Variants in ITGAV observed in about 807,000 individuals in gnomAD.
The protein encoded by ITGAV is integrin subunit alpha V.
ITGAV carries 76 observed loss-of-function variants against 143.8 expected under a neutral mutation model. The ratio of observed to expected loss-of-function variants is 0.53; its 90% CI spans 0.44 to 0.64. The LOEUF is 0.64. Among genes scored for constraint, ITGAV ranks in the 30% least tolerant of loss-of-function variants. The pLI is 0.00. For synonymous variants in ITGAV, 453 were observed against 446.7 expected (o/e 1.01, Z -0.18); for missense variants, 1,193 against 1,274.7 (o/e 0.94, Z 0.98).
chr2:186,627,825 G>A (rs1304822683), intron 4 of ITGAV, among the ~76,000 whole-genome samples: 1 of 152,072 alleles, frequency 6.6e-6, no homozygotes, highest in Non-Finnish European at 1.5e-5. Context: ...TCAAATCTTA[G>A]GAAAAGCTTA....
chr2:186,630,738 G>A, intron 4 of ITGAV, 59 bp from the exon 5 acceptor site: 4 of 915,946 alleles, frequency 4.4e-6, no homozygotes, highest in South Asian at 1.5e-5. Flanking sequence ...ATTTTCTCAT[G>A]TTTTGTTTTG....
At chr2:186,599,558 A>G (rs1472292467) in intron 1 of ITGAV, among the ~76,000 whole-genome samples, 1 of 152,194 alleles carries the variant, frequency 6.6e-6, no homozygotes, top group African/African-American at 2.4e-5. Flanking sequence ...TAGCACTTGT[A>G]ATCACAGCTC....
In ITGAV at chr2:186,621,868, C is replaced by G. The variant is rs370284613; in HGVS notation, c.317-471C>G. 3.3e-5 allele frequency among the ~76,000 whole-genome samples: 5 copies of G among 152,240 alleles called. No homozygotes were observed. In the East Asian group the frequency reaches 7.7e-4, roughly 23 times the overall value. ...GAATTCTTTTTTCTACCAACCAAAT[C>G]AAGTTTCCTGGATTCTAATTCTTGC... On this transcript the variant is annotated intron_variant, in intron 2 of 29. Transcript: ENST00000261023.
intron 1 of ITGAV, among the ~76,000 whole-genome samples, chr2:186,595,385 A>T (rs2105645990): frequency 6.6e-6 from 1 of 152,280 alleles, no homozygotes; most frequent in Non-Finnish European, 1.5e-5. Context: ...CCCTTCAAGT[A>T]CAGTTTGGAT....
intron 19 of ITGAV, among the ~76,000 whole-genome samples, chr2:186,664,062 A>G (rs549860831): frequency 8.5e-5 from 13 of 152,372 alleles, no homozygotes; most frequent in African/African-American, 3.1e-4. Flanking sequence ...TTTGGGTAAT[A>G]TCACAAAATA....
At chr2:186,665,367 T>C (rs1313408506) in intron 21 of ITGAV, 149 bp downstream of exon 21, 11 of 614,694 alleles carry the variant, frequency 1.8e-5, no homozygotes. Flanking sequence ...TAGCAGAGTT[T>C]TGCTTAGTTT....
At chr2:186,625,661 G>GTAT in intron 4 of ITGAV, 74 bp downstream of exon 4, 1 of 526,844 alleles carries the variant, frequency 1.9e-6, no homozygotes, top group Non-Finnish European at 3.4e-6. Flanking sequence ...ATGTGTGTGT[G>GTAT]GGTGTGTGTG....
intron 2 of ITGAV, among the ~76,000 whole-genome samples, chr2:186,620,073 C>T (rs917188378): frequency 5.9e-5 from 9 of 152,182 alleles, no homozygotes; most frequent in African/African-American, 2.2e-4. Flanking sequence ...GTGAACAACT[C>T]ACAATTCTCT....
chr2:186,672,643 G>A (rs959400529), intron 26 of ITGAV, among the ~76,000 whole-genome samples: 2 of 152,208 alleles, frequency 1.3e-5, no homozygotes, highest in Non-Finnish European at 2.9e-5. Context: ...GTGTGAAGAA[G>A]TAACTCATTG....
intron 13 of ITGAV, among the ~76,000 whole-genome samples, chr2:186,647,095 C>T (rs1236444238): frequency 6.6e-6 from 1 of 152,126 alleles, no homozygotes; most frequent in East Asian, 1.9e-4. Context: ...CTCTGAGTTT[C>T]TCCTGTAGTC....
intron 4 of ITGAV, among the ~76,000 whole-genome samples, chr2:186,629,405 T>C (rs544036113): frequency 6.6e-6 from 1 of 152,046 alleles, no homozygotes; most frequent in East Asian, 1.9e-4. Context: ...CAGATGCAAC[T>C]TGAATAAAGG....
At chr2:186,636,846 A>G (rs554721108) in intron 7 of ITGAV, among the ~76,000 whole-genome samples, 14 of 152,332 alleles carry the variant, frequency 9.2e-5, no homozygotes, top group Admixed American at 7.8e-4. Context: ...TTAATAAGAC[A>G]ATTGTAGTTT....
rs1689288628 is a variant in ITGAV, at chr2:186,679,128, C to A, written c.*1836C>A. On this transcript the variant is annotated 3_prime_UTR_variant, in exon 30 of 30. Coordinates refer to ENST00000261023, the MANE Select transcript of ITGAV (RefSeq NM_002210.5). ...ATTTTTTAAGAAAAATATTTTTATC[C>A]TAGGGCCAAGTGTTGCCTGCCACCA... 1 of 153,290 alleles carries A rather than the reference C, an allele frequency of 6.5e-6. No individual in the cohort carries two copies. The highest frequency in any genetic ancestry group is 1.5e-5 in the Non-Finnish European group (1 of 68,958). The allele number at this position is 153,290 out of a possible 1,614,324, so 9.5% of individuals were successfully genotyped here.
chr2:186,632,854 A>G (rs1381289094), intron 5 of ITGAV, among the ~76,000 whole-genome samples: 1 of 152,144 alleles, frequency 6.6e-6, no homozygotes, highest in Non-Finnish European at 1.5e-5. Flanking sequence ...AAAAGTGTGT[A>G]TTTTCATGTA....
At chr2:186,671,435 G>T (rs1689060254) in intron 26 of ITGAV, among the ~76,000 whole-genome samples, 1 of 151,958 alleles carries the variant, frequency 6.6e-6, no homozygotes, top group African/African-American at 2.4e-5. Flanking sequence ...CATCTGCCTG[G>T]AATTCTTTGT....
In ITGAV at chr2:186,618,913, A is replaced by C. The variant is rs1324956165; in HGVS notation, c.317-3426A>C. On this transcript the variant is annotated intron_variant, in intron 2 of 29. Transcript: ENST00000261023. ...AATCCCACTACTAGGCATTTATCCA[A>C]AGGAAAGGAAATCAGTATATCAAAG... Among the ~76,000 whole-genome samples, 6 of 152,194 alleles carry C rather than the reference A, an allele frequency of 3.9e-5. No homozygotes were observed. In the South Asian group the frequency reaches 1.0e-3, roughly 26 times the overall value.
intron 4 of ITGAV, among the ~76,000 whole-genome samples, chr2:186,626,357 C>T (rs958581850): frequency 2.6e-5 from 4 of 152,282 alleles, no homozygotes; most frequent in Admixed American, 1.3e-4. Flanking sequence ...CCCCGCTACC[C>T]TTTGTTGAAT....
At chr2:186,647,945 G>T (rs1279356132) in intron 13 of ITGAV, among the ~76,000 whole-genome samples, 1 of 152,082 alleles carries the variant, frequency 6.6e-6, no homozygotes, top group African/African-American at 2.4e-5. Context: ...CAATATATTT[G>T]TTATAGAACT....
intron 15 of ITGAV, among the ~76,000 whole-genome samples, chr2:186,652,931 A>ATTTTTTTTTTTT (rs35139936): frequency 7.3e-5 from 6 of 82,424 alleles, no homozygotes; most frequent in Non-Finnish European, 1.1e-4. Context: ...TTCATTATAG[A>ATTTTTTTTTTTT]TTTTTTTTTT....
Sources: gnomAD v4.1 joint callset for allele counts (sites outside exome capture counted in the v4.1 genomes callset) on GRCh38, gnomAD v4.1.1 for gene constraint, MANE v1.5 for transcripts, NCBI Gene and HGNC (gene_info 2026-07-23, HGNC 2026-07-21) for gene names.